Variants in MFNG observed in about 807,000 individuals in gnomAD.
The protein encoded by MFNG is beta-1,3-N-acetylglucosaminyltransferase manic fringe.
In MFNG, 24 loss-of-function variants were observed where a neutral mutation model predicts 34.2. That is an observed-to-expected ratio of 0.70 (90% CI 0.51 to 0.99). The LOEUF is 0.99. Ranked by LOEUF, MFNG falls within the 50% of genes least tolerant of loss-of-function variation. MFNG has a pLI of 0.00. For synonymous variants in MFNG, 158 were observed against 179.2 expected (o/e 0.88, Z 0.94); for missense variants, 383 against 424.0 (o/e 0.90, Z 0.85).
chr22:37,474,761 G>A, intron 5 of MFNG, 84 bp from the exon 6 acceptor site: 1 of 1,442,410 alleles, frequency 6.9e-7, no homozygotes, highest in South Asian at 1.4e-5. Context: ...GCCCTCCACT[G>A]GGACAAGCTG....
At chr22:37,479,547 C>A (rs2145734408) in intron 3 of MFNG, 49 bp from the exon 4 acceptor site, 1 of 1,601,794 alleles carries the variant, frequency 6.2e-7, no homozygotes, top group African/African-American at 1.3e-5. Context: ...GGTTCCAAGC[C>A]AGGGTCCCCA....
At chr22:37,472,322 T>C in intron 7 of MFNG, 121 bp downstream of exon 7, 2 of 718,574 alleles carry the variant, frequency 2.8e-6, no homozygotes, top group Admixed American at 5.5e-5. Context: ...CCTCCACTCC[T>C]AGCTCTGTGC....
In MFNG at chr22:37,486,282, CA is replaced by C; in HGVS notation, c.-106del. The C allele has an allele frequency of 7.7e-7, 1 of 1,306,498 alleles. No homozygotes were observed. The highest frequency in any genetic ancestry group is 2.7e-5 in the East Asian group (1 of 37,356). The allele number at this position is 1,306,498 out of a possible 1,614,324, so 80.9% of individuals were successfully genotyped here. A position where few individuals can be genotyped will look rare whatever the true frequency, so the allele number is the denominator to read the frequency against. ...CCAGCAGAGGCAAAAGTCTGGCAGGCATCAGGGGCTGGCAAGGAGGGAAGAG... is the reference window on the plus strand; with the variant it reads ...CCAGCAGAGGCAAAAGTCTGGCAGGCTCAGGGGCTGGCAAGGAGGGAAGAG... On this transcript the variant is annotated 5_prime_UTR_variant, in exon 1 of 8. It removes an upstream start codon present in the reference 5' UTR. Coordinates refer to ENST00000356998, the MANE Select transcript of MFNG (RefSeq NM_002405.4).
chr22:37,472,556 G>A, intron 6 of MFNG, 28 bp from the exon 7 acceptor site: 2 of 1,557,184 alleles, frequency 1.3e-6, no homozygotes, highest in Non-Finnish European at 1.7e-6. Flanking sequence ...AGAGTGTTGG[G>A]GCATCACACT....
rs1435663179 is a variant in MFNG, at chr22:37,469,330, AG to A, written c.*632del. On this transcript the variant is annotated 3_prime_UTR_variant, in exon 8 of 8. Transcript: ENST00000356998. Reference sequence around the variant, plus strand: ...AAGAAAGGCTGGGAAATGAGCAAAAAGGATCATCACAATTGGCTGGGACCCG... The same window carrying A: ...AAGAAAGGCTGGGAAATGAGCAAAAAGATCATCACAATTGGCTGGGACCCG... The A allele has an allele frequency of 1.3e-4, 22 of 165,514 alleles. No homozygotes were observed. Among genetic ancestry groups the A allele is most frequent in the African/African-American group, 5.3e-4 (22 of 41,742 alleles). 10.3% of individuals were successfully genotyped at this position (165,514 alleles called of 1,614,324 possible). A position where few individuals can be genotyped will look rare whatever the true frequency, so the allele number is the denominator to read the frequency against.
At chr22:37,478,553 G>T (rs1363678225) in intron 4 of MFNG, among the ~76,000 whole-genome samples, 1 of 152,126 alleles carries the variant, frequency 6.6e-6, no homozygotes, top group Non-Finnish European at 1.5e-5. Context: ...GCCAGGTGTC[G>T]ACTCTTCAGT....
At chr22:37,471,720 A>C (rs1036724246) in intron 7 of MFNG, among the ~76,000 whole-genome samples, 16 of 148,930 alleles carry the variant, frequency 1.1e-4, no homozygotes, top group African/African-American at 3.9e-4. Flanking sequence ...AATCCCAGCT[A>C]TTCGGGAGGC....
At position 37,476,899 on chromosome 22, in the gene MFNG, G is replaced by T; in HGVS notation, c.644C>A (p.Ala215Asp). The T allele has an allele frequency of 6.2e-7, 1 of 1,613,766 alleles. No individual in the cohort carries two copies. Among genetic ancestry groups the T allele is most frequent in the East Asian group, 2.2e-5 (1 of 44,874 alleles). The change falls in exon 5 of 8, where the codon GCC (alanine) becomes GAC (aspartate). Residue 215 changes from alanine to aspartate, a missense_variant. By Grantham distance (126) the Ala-to-Asp change is moderately radical. Transcript: ENST00000356998. ...RKLALKMAPW[A>D]SGSRFMDTSA... ...CCACCCCTGGGTCTCTGCTTACCTGGCCCACGGAGCCATCTTCAAAGCCAG... is the reference window on the plus strand; with the variant it reads ...CCACCCCTGGGTCTCTGCTTACCTGTCCCACGGAGCCATCTTCAAAGCCAG...
At chr22:37,470,787 G>A (rs543302457) in intron 7 of MFNG, among the ~76,000 whole-genome samples, 1 of 152,316 alleles carries the variant, frequency 6.6e-6, no homozygotes, top group Admixed American at 6.5e-5. Context: ...AGGCCTTGGA[G>A]AGGCCCCTGC....
chr22:37,480,951 A>G, intron 1 of MFNG, 182 bp from the exon 2 acceptor site: 1 of 619,542 alleles, frequency 1.6e-6, no homozygotes, highest in Non-Finnish European at 2.9e-6. Context: ...GCTTTTGTAG[A>G]CACACAACTT....
chr22:37,469,917 G>T lies in MFNG; in HGVS notation c.*46C>A, dbSNP rs1360842927. On this transcript the variant is annotated 3_prime_UTR_variant, in exon 8 of 8. Transcript: ENST00000356998. ...CCACAGTGCCACCTTGGGAGCCAAG[G>T]CACACCCAGAAGTCTCTGCCCAACC... is the stretch of plus-strand genomic sequence containing the variant. 3 of 1,485,288 alleles carry T rather than the reference G, an allele frequency of 2.0e-6. No homozygotes were observed. The highest frequency in any genetic ancestry group is 2.8e-6 in the Non-Finnish European group (3 of 1,079,670). The allele number at this position is 1,485,288 out of a possible 1,614,324, so 92.0% of individuals were successfully genotyped here. A position where few individuals can be genotyped will look rare whatever the true frequency, so the allele number is the denominator to read the frequency against.
At position 37,474,573 on chromosome 22, in the gene MFNG, G is replaced by T; in HGVS notation, c.752C>A (p.Pro251His). 6.2e-7 allele frequency: 1 copy of T among 1,614,172 alleles called. No homozygotes were observed. The highest frequency in any genetic ancestry group is 8.5e-7 in the Non-Finnish European group (1 of 1,180,020). Reference sequence around the variant, plus strand: ...GGTCTCCAGGTGGGAGTGAAAGAGGGGGCTGGGCTGCAGGCGGCCGCCCAG... The same window carrying T: ...GGTCTCCAGGTGGGAGTGAAAGAGGTGGCTGGGCTGCAGGCGGCCGCCCAG... ...CKLGGRLQPS[P>H]LFHSHLETLQ... Residue 251 changes from proline (P) to histidine (H), a missense_variant, in exon 6 of 8, where the codon CCC becomes CAC. Pro to His is a moderately conservative substitution (Grantham distance 77). Transcript: ENST00000356998.
Position 37,472,440 on chromosome 22 carries a change from C to A in MFNG, c.899+3G>T. The A allele has an allele frequency of 6.3e-7, 1 of 1,577,466 alleles. No individual in the cohort carries two copies. The highest frequency in any genetic ancestry group is 1.2e-5 in the South Asian group (1 of 86,604). ...CATCCAAGGTTCCAGCCCCCAGACC[C>A]ACCTGGAGGGGTCCTCCTCCGGGGA... is the stretch of plus-strand genomic sequence containing the variant. On this transcript the variant is annotated splice_donor_region_variant and intron_variant, in intron 7 of 7. Transcript: ENST00000356998.
intron 4 of MFNG, 67 bp from the exon 5 acceptor site, chr22:37,477,048 G>A: frequency 2.2e-6 from 3 of 1,386,328 alleles, no homozygotes; most frequent in Non-Finnish European, 3.1e-6. Context: ...GGGACAGCCA[G>A]GCCACCCTTC....
In MFNG at chr22:37,480,262, G is replaced by A. The variant is rs540401168; in HGVS notation, c.342C>T (p.His114=). 119 of 1,613,800 alleles carry A rather than the reference G, an allele frequency of 7.4e-5. 1 individual carries two copies. The East Asian group carries it at 2.5e-3, about 34-fold the overall frequency. ...HLVVTNCSAE[H]SHPALSCKMA... ...TCTTGCAGGACAGAGCTGGGTGGCT[G>A]TGTTCCGCGGAGCAGTTGGTGACCA... The change falls in exon 3 of 8, where the codon CAC becomes CAT. Residue 114 remains histidine, a synonymous_variant. Transcript: ENST00000356998.
Position 37,486,066 on chromosome 22 carries a change from T to A in MFNG, c.112A>T (p.Thr38Ser). 1 of 1,613,038 alleles carries A rather than the reference T, an allele frequency of 6.2e-7. No individual in the cohort carries two copies. Among genetic ancestry groups the A allele is most frequent in the East Asian group, 2.2e-5 (1 of 44,814 alleles). The change falls in exon 1 of 8, where the codon ACC becomes TCC. Residue 38 changes from threonine (T) to serine (S), a missense_variant. Coordinates refer to ENST00000356998, the MANE Select transcript of MFNG (RefSeq NM_002405.4). The part of the protein sequence containing the change: ...LNLSPQRVQG[T>S]PELSQPNPGP... ...GGGTTCGGCTGGCTCAGCTCGGGGG[T>A]CCCTTGTACCCGCTGCGGGGACAGG...
chr22:37,484,750 G>A (rs1392660128), intron 1 of MFNG: 1 of 152,380 alleles, frequency 6.6e-6, no homozygotes, highest in African/African-American at 2.4e-5. Flanking sequence ...AAGATGAGAA[G>A]CCGTGTGGGG....
At chr22:37,479,567 A>C (rs991857872) in intron 3 of MFNG, 69 bp from the exon 4 acceptor site, 134 of 1,588,194 alleles carry the variant, frequency 8.4e-5, no homozygotes, top group Admixed American at 2.5e-4. Flanking sequence ...AAGCACCCCC[A>C]CAGTCGGTCA....
Position 37,479,505 on chromosome 22 carries a change from G to A in MFNG, c.408-7C>T, listed in dbSNP as rs770144311. 5.0e-6 allele frequency: 8 copies of A among 1,609,218 alleles called. No homozygotes were observed. The South Asian group carries it at 7.8e-5, about 16-fold the overall frequency. The stretch of plus-strand genomic sequence containing the variant: ...GTCCACATGGCAGAACCACCTGTAG[G>A]GATGAAACGGGGACAGTGAACTTGT... On this transcript the variant is annotated splice_region_variant and splice_polypyrimidine_tract_variant and intron_variant, in intron 3 of 7. Transcript: ENST00000356998.
Sources: allele counts gnomAD v4.1 joint callset (sites outside exome capture counted in the v4.1 genomes callset), GRCh38; gene constraint gnomAD v4.1.1; transcripts MANE v1.5; gene names NCBI Gene and HGNC (gene_info 2026-07-23, HGNC 2026-07-21).